PRELID2: variants seen among roughly 807,000 people sequenced by gnomAD.
The protein encoded by PRELID2 is PRELI domain-containing protein 2.
In PRELID2, 25 loss-of-function variants were observed where a neutral mutation model predicts 28.4. The ratio of observed to expected loss-of-function variants is 0.88; its 90% confidence interval spans 0.64 to 1.23. The LOEUF is 1.23. Among genes scored for constraint, PRELID2 ranks in the 50% most tolerant of loss-of-function variants. The pLI is 0.00. For synonymous variants in PRELID2, 76 were observed against 71.6 expected (o/e 1.06, Z -0.31); for missense variants, 201 against 214.4 (o/e 0.94, Z 0.39).
chr5:145,589,975 T>C (rs1309494397), intron 1 of PRELID2, among the ~76,000 whole-genome samples: 2 of 152,214 alleles, frequency 1.3e-5, no homozygotes, highest in African/African-American at 4.8e-5. Context: ...GATGCATTCT[T>C]TAATATGCAT....
At chr5:145,391,572 TC>T in the PRELID2 span, among the ~76,000 whole-genome samples, 2 of 152,200 alleles carry the variant, frequency 1.3e-5, no homozygotes, top group Non-Finnish European at 2.9e-5. Flanking sequence ...TGTGAAGGTC[TC>T]TGACATGCCC....
the PRELID2 span, among the ~76,000 whole-genome samples, chr5:145,420,332 A>G: frequency 6.6e-6 from 1 of 152,076 alleles, no homozygotes; most frequent in Non-Finnish European, 1.5e-5. Context: ...CAGTATGGCC[A>G]TTTTCACAAT....
chr5:145,792,220 G>C (rs1463403009), intron 5 of PRELID2, among the ~76,000 whole-genome samples: 1 of 152,122 alleles, frequency 6.6e-6, no homozygotes, highest in African/African-American at 2.4e-5. Flanking sequence ...AGACAAGCTT[G>C]GGTTCAAATC....
At chr5:145,741,418 A>AATAT (rs1429679249) in intron 1 of PRELID2, among the ~76,000 whole-genome samples, 3 of 111,532 alleles carry the variant, frequency 2.7e-5, no homozygotes, top group African/African-American at 7.9e-5. Flanking sequence ...TTTATTTATA[A>AATAT]TTTATTTATA....
intron 1 of PRELID2, among the ~76,000 whole-genome samples, chr5:145,573,870 C>T (rs1753036900): frequency 6.6e-6 from 1 of 151,986 alleles, no homozygotes; most frequent in Admixed American, 6.6e-5. Flanking sequence ...TTTTTGCCTC[C>T]AAGAAAAGAG....
chr5:145,589,620 TTTG>T (rs1364623723), intron 1 of PRELID2, among the ~76,000 whole-genome samples: 8 of 152,184 alleles, frequency 5.3e-5, no homozygotes, highest in African/African-American at 1.7e-4. Context: ...ATTTATGTCT[TTTG>T]TTATTTCATT....
chr5:145,277,098 C>A, the PRELID2 span, among the ~76,000 whole-genome samples: 3 of 152,130 alleles, frequency 2.0e-5, no homozygotes, highest in South Asian at 6.2e-4. Flanking sequence ...TGTGCCACAC[C>A]AAGCCTAGGA....
chr5:145,755,339 GCTTCC>G (rs1757228761), downstream of PRELID2, among the ~76,000 whole-genome samples: 3 of 152,184 alleles, frequency 2.0e-5, no homozygotes, highest in South Asian at 6.2e-4. Context: ...ACACAGGAAA[GCTTCC>G]TCAGAGGCCT....
At chr5:145,467,640 T>G (rs1752013894), downstream of PRELID2, among the ~76,000 whole-genome samples, 2 of 152,078 alleles carry the variant, frequency 1.3e-5, no homozygotes, top group Admixed American at 1.3e-4. Context: ...ACCCTGCTGG[T>G]AGATAAGTCT....
At chr5:145,655,095 A>T (rs1178950868) in intron 1 of PRELID2, among the ~76,000 whole-genome samples, 5 of 151,408 alleles carry the variant, frequency 3.3e-5, no homozygotes, top group East Asian at 3.9e-4. Context: ...AGCATTCTTA[A>T]ACACCAATAA....
the PRELID2 span, among the ~76,000 whole-genome samples, chr5:145,396,578 TAA>T: frequency 1.3e-5 from 2 of 150,868 alleles, no homozygotes; most frequent in African/African-American, 4.9e-5. Context: ...TTGCAGTAAA[TAA>T]AAGTTTGCCA....
At chr5:145,424,583 C>G in the PRELID2 span, among the ~76,000 whole-genome samples, 1 of 152,190 alleles carries the variant, frequency 6.6e-6, no homozygotes, top group Non-Finnish European at 1.5e-5. Context: ...CAATGCCTCA[C>G]CCTGCTTCGG....
At chr5:145,282,941 T>C in the PRELID2 span, among the ~76,000 whole-genome samples, 25 of 152,344 alleles carry the variant, frequency 1.6e-4, no homozygotes, top group African/African-American at 4.8e-4. Context: ...AAGGTTCATC[T>C]TTACATTTAG....
At chr5:145,417,581 G>C in the PRELID2 span, among the ~76,000 whole-genome samples, 1 of 152,138 alleles carries the variant, frequency 6.6e-6, no homozygotes, top group Non-Finnish European at 1.5e-5. Context: ...CAGGATGCAA[G>C]GTTGGTTCAA....
intron 1 of PRELID2, among the ~76,000 whole-genome samples, chr5:145,827,763 A>G (rs958527762): frequency 6.6e-6 from 1 of 152,170 alleles, no homozygotes; most frequent in Non-Finnish European, 1.5e-5. Flanking sequence ...CAAAATCACC[A>G]TGGTCCGGAA....
the PRELID2 span, among the ~76,000 whole-genome samples, chr5:145,326,934 A>C: frequency 3.9e-5 from 6 of 151,942 alleles, no homozygotes. Context: ...AATTGGGAGA[A>C]AGCATTTGCA....
At chr5:145,804,601 T>A (rs1753370934) in intron 4 of PRELID2, among the ~76,000 whole-genome samples, 1 of 152,206 alleles carries the variant, frequency 6.6e-6, no homozygotes, top group Non-Finnish European at 1.5e-5. Flanking sequence ...TTTATATACA[T>A]GCCTTTCAGT....
intron 1 of PRELID2, among the ~76,000 whole-genome samples, chr5:145,550,775 T>C (rs960997234): frequency 3.3e-5 from 5 of 152,212 alleles, no homozygotes; most frequent in Admixed American, 2.6e-4. Context: ...ATTGGTGTTT[T>C]CCGTTGTAGA....
At chr5:145,827,621 C>T (rs770277731) in intron 1 of PRELID2, among the ~76,000 whole-genome samples, 6 of 152,128 alleles carry the variant, frequency 3.9e-5, no homozygotes, top group Admixed American at 6.5e-5. Context: ...TAATCAGCAA[C>T]GGCATAGTGA....
Sources: allele counts gnomAD v4.1 joint callset (sites outside exome capture counted in the v4.1 genomes callset), GRCh38; gene constraint gnomAD v4.1.1; transcripts MANE v1.5; gene names NCBI Gene and HGNC (gene_info 2026-07-23, HGNC 2026-07-21).